Variants in ATRNL1 observed in about 807,000 individuals in gnomAD.
ATRNL1 encodes the protein attractin like 1.
In ATRNL1, 95 loss-of-function variants were observed where a neutral mutation model predicts 182.7. The ratio of observed to expected loss-of-function variants is 0.52; its 90% confidence interval spans 0.44 to 0.62. ATRNL1 has a LOEUF of 0.62. ATRNL1 is among the 20% of genes least tolerant of loss of function. The pLI is 0.00. For synonymous variants in ATRNL1, 576 were observed against 568.3 expected, an observed-to-expected ratio of 1.01 and a Z score of -0.19; for missense variants, 1,471 against 1,679.5, an observed-to-expected ratio of 0.88 and a Z score of 2.17.
At chr10:115,244,457 CTT>C (rs1554903618) in intron 10 of ATRNL1, among the ~76,000 whole-genome samples, 1 of 152,044 alleles carries the variant, frequency 6.6e-6, no homozygotes, top group Admixed American at 6.6e-5. Flanking sequence ...AAAAAAATAA[CTT>C]ACGTAATCAG....
At chr10:115,457,897 G>C (rs1210394823) in intron 21 of ATRNL1, among the ~76,000 whole-genome samples, 1 of 151,844 alleles carries the variant, frequency 6.6e-6, no homozygotes, top group Non-Finnish European at 1.5e-5. Context: ...CATAAAATGT[G>C]TTATTTCCCC....
chr10:115,458,675 C>T (rs1239143677), intron 21 of ATRNL1, among the ~76,000 whole-genome samples: 1 of 152,098 alleles, frequency 6.6e-6, no homozygotes, highest in Non-Finnish European at 1.5e-5. Context: ...GCATTACAGC[C>T]TTTACTCAGG....
At chr10:115,839,411 A>G (rs541680903) in intron 27 of ATRNL1, among the ~76,000 whole-genome samples, 81 of 152,114 alleles carry the variant, frequency 5.3e-4, no homozygotes, top group African/African-American at 1.9e-3. Flanking sequence ...CTAACGGGGG[A>G]CCTGGATATT....
intron 1 of ATRNL1, among the ~76,000 whole-genome samples, chr10:115,118,300 C>G (rs1242176374): frequency 1.3e-5 from 2 of 151,978 alleles, no homozygotes; most frequent in Non-Finnish European, 2.9e-5. Flanking sequence ...GAGAGTTTCC[C>G]CAATGTTTTC....
At chr10:115,697,623 G>A (rs1555050285) in intron 26 of ATRNL1, among the ~76,000 whole-genome samples, 3 of 152,004 alleles carry the variant, frequency 2.0e-5, no homozygotes, top group Non-Finnish European at 4.4e-5. Flanking sequence ...ACTGTACCTG[G>A]CCTATTTTTT....
intron 26 of ATRNL1, among the ~76,000 whole-genome samples, chr10:115,717,165 T>G (rs1255207211): frequency 6.6e-6 from 1 of 152,180 alleles, no homozygotes; most frequent in Non-Finnish European, 1.5e-5. Context: ...ACTAGGTTCA[T>G]TGTATTTGAG....
At chr10:115,443,494 C>T (rs1238875827) in intron 21 of ATRNL1, among the ~76,000 whole-genome samples, 4 of 151,594 alleles carry the variant, frequency 2.6e-5, no homozygotes, top group African/African-American at 9.7e-5. Flanking sequence ...CTATTTATAC[C>T]ATTTTAATTT....
At chr10:115,199,692 ACTT>A (rs1485449090) in intron 8 of ATRNL1, among the ~76,000 whole-genome samples, 1 of 152,138 alleles carries the variant, frequency 6.6e-6, no homozygotes, top group Non-Finnish European at 1.5e-5. Context: ...AGTTGTGGAG[ACTT>A]CTTAGCAAGC....
intron 26 of ATRNL1, among the ~76,000 whole-genome samples, chr10:115,619,464 T>C (rs1592957450): frequency 6.6e-6 from 1 of 152,244 alleles, no homozygotes; most frequent in East Asian, 1.9e-4. Flanking sequence ...TGAGCTTTGA[T>C]TGTGTCAGGG....
intron 24 of ATRNL1, among the ~76,000 whole-genome samples, chr10:115,475,430 A>T (rs2134590014): frequency 6.6e-6 from 1 of 151,650 alleles, no homozygotes; most frequent in African/African-American, 2.4e-5. Context: ...AGTTGTTATC[A>T]ATGGAAGTAA....
chr10:115,288,678 C>A (rs188470683), intron 15 of ATRNL1, among the ~76,000 whole-genome samples: 13 of 151,856 alleles, frequency 8.6e-5, no homozygotes, highest in African/African-American at 3.1e-4. Context: ...TGTGCCACCA[C>A]GCCCAGCTAA....
intron 24 of ATRNL1, among the ~76,000 whole-genome samples, chr10:115,515,837 G>A (rs570208094): frequency 1.1e-4 from 16 of 151,740 alleles, no homozygotes; most frequent in Non-Finnish European, 2.1e-4. Flanking sequence ...TTTCATCCTC[G>A]TCTTAACCAA....
chr10:115,501,038 C>T (rs987680490), intron 24 of ATRNL1, among the ~76,000 whole-genome samples: 3 of 147,940 alleles, frequency 2.0e-5, no homozygotes, highest in African/African-American at 5.0e-5. Flanking sequence ...AAGCAATTCT[C>T]CTTCCTGCCT....
chr10:115,702,028 A>G (rs953190030), intron 26 of ATRNL1, among the ~76,000 whole-genome samples: 46 of 151,950 alleles, frequency 3.0e-4, no homozygotes, highest in African/African-American at 1.1e-3. Context: ...TCAACAAAAT[A>G]CTAGCAAATT....
chr10:115,403,583 G>A (rs1565004226), intron 20 of ATRNL1, among the ~76,000 whole-genome samples: 2 of 125,808 alleles, frequency 1.6e-5, no homozygotes, highest in Non-Finnish European at 3.3e-5. Flanking sequence ...AGCCTCCTGA[G>A]TAGCTGGACT....
chr10:115,868,819 A>ATTTTTTTTT (rs1555105343), intron 28 of ATRNL1, among the ~76,000 whole-genome samples: 9 of 98,282 alleles, frequency 9.2e-5, no homozygotes, highest in Non-Finnish European at 1.2e-4. Context: ...GCAAGTCTTT[A>ATTTTTTTTT]TTCTTTTTTT....
In ATRNL1 at chr10:115,241,632, G is replaced by A; in HGVS notation, c.1594G>A (p.Ala532Thr). 1 of 1,612,182 alleles carries A rather than the reference G, an allele frequency of 6.2e-7. No individual in the cohort carries two copies. The highest frequency in any genetic ancestry group is 8.5e-7 in the Non-Finnish European group (1 of 1,178,716). Reference protein sequence around the residue: ...YLHSAVLINGAMLIFGGNTHN... With the variant: ...YLHSAVLINGTMLIFGGNTHN... Reference sequence around the variant, plus strand: ...TCATTCAGCTGTTCTTATCAATGGAGCTATGCTTATTTTTGGAGGAAATAC... The same window carrying A: ...TCATTCAGCTGTTCTTATCAATGGAACTATGCTTATTTTTGGAGGAAATAC... The change falls in exon 10 of 29, where the codon GCT becomes ACT. Residue 532 changes from alanine to threonine, a missense_variant. This residue lies in a region of ATRNL1 where 1,031 missense variants were observed against 1,156.0 expected (regional missense o/e 0.89). Coordinates refer to ENST00000355044, the MANE Select transcript of ATRNL1 (RefSeq NM_207303.4).
At chr10:115,915,699 C>T (rs556313066) in intron 28 of ATRNL1, among the ~76,000 whole-genome samples, 1 of 152,142 alleles carries the variant, frequency 6.6e-6, no homozygotes, top group South Asian at 2.1e-4. Context: ...GAATGAAATC[C>T]CAGACTCCAA....
intron 28 of ATRNL1, among the ~76,000 whole-genome samples, chr10:115,872,737 G>C (rs1199160706): frequency 6.6e-6 from 1 of 152,208 alleles, no homozygotes. Context: ...GGGAGATACT[G>C]TTATATCCTG....
Sources: allele counts gnomAD v4.1 joint callset (sites outside exome capture counted in the v4.1 genomes callset), GRCh38; gene constraint gnomAD v4.1.1; regional missense constraint gnomAD v4.1.1; transcripts MANE v1.5; gene names NCBI Gene and HGNC (gene_info 2026-07-23, HGNC 2026-07-21).